Variants in STK32B observed in about 807,000 individuals in gnomAD.
The protein encoded by STK32B is serine/threonine-protein kinase 32B.
STK32B carries 43 observed loss-of-function variants against 52.6 expected under a neutral mutation model. That is an observed-to-expected ratio of 0.82 (90% CI 0.64 to 1.05). The LOEUF (loss-of-function observed/expected upper bound fraction) is 1.05, where lower values mean the gene tolerates loss of function less well. STK32B is among the 50% of genes least tolerant of loss of function. The pLI, the probability that STK32B is intolerant of heterozygous loss-of-function variation, is 0.00. For missense variants in STK32B, 621 were observed against 534.6 expected, an observed-to-expected ratio of 1.16 and a Z score of -1.59; for synonymous variants, 238 against 204.3, an observed-to-expected ratio of 1.17 and a Z score of -1.41.
intron 3 of STK32B, among the ~76,000 whole-genome samples, chr4:5,242,340 G>T (rs867099390): frequency 3.0e-4 from 45 of 152,272 alleles, no homozygotes; most frequent in African/African-American, 5.1e-4. Flanking sequence ...ATGATGAGCA[G>T]TTTTTCATGT....
At chr4:5,482,360 G>C (rs547544294) in intron 11 of STK32B, among the ~76,000 whole-genome samples, 1 of 152,282 alleles carries the variant, frequency 6.6e-6, no homozygotes, top group South Asian at 2.1e-4. Flanking sequence ...GTGAATGGGA[G>C]TTCACTCATG....
At chr4:5,163,558 G>GTGTGTA (rs1434511308) in intron 2 of STK32B, among the ~76,000 whole-genome samples, 3 of 150,134 alleles carry the variant, frequency 2.0e-5, no homozygotes, top group Non-Finnish European at 3.0e-5. Context: ...GTGTGTGTGT[G>GTGTGTA]TGTGTGTGTG....
At chr4:5,195,109 G>GT (rs1351780285) in intron 3 of STK32B, among the ~76,000 whole-genome samples, 12 of 152,058 alleles carry the variant, frequency 7.9e-5, no homozygotes, top group Non-Finnish European at 8.8e-5. Flanking sequence ...GTCTCATTCT[G>GT]TTTTTTCAGG....
At chr4:5,159,793 A>G (rs1560186704) in intron 2 of STK32B, among the ~76,000 whole-genome samples, 1 of 145,792 alleles carries the variant, frequency 6.9e-6, no homozygotes, top group East Asian at 2.0e-4. Flanking sequence ...TTATGAATAT[A>G]TATATGAATA....
At chr4:5,207,903 CTT>C (rs1420363005) in intron 3 of STK32B, among the ~76,000 whole-genome samples, 1 of 152,026 alleles carries the variant, frequency 6.6e-6, no homozygotes, top group South Asian at 2.1e-4. Flanking sequence ...CTTTTCCTCT[CTT>C]TTTAACATCC....
At chr4:5,269,842 A>G (rs1047508485) in intron 3 of STK32B, among the ~76,000 whole-genome samples, 4 of 152,210 alleles carry the variant, frequency 2.6e-5, no homozygotes, top group Admixed American at 6.5e-5. Flanking sequence ...GTAGACTGAT[A>G]TTACTCAGGA....
chr4:5,375,518 C>T (rs1374372204), intron 4 of STK32B, among the ~76,000 whole-genome samples: 1 of 151,992 alleles, frequency 6.6e-6, no homozygotes, highest in Non-Finnish European at 1.5e-5. Context: ...AATTTTTTTT[C>T]AGTTCACATA....
intron 6 of STK32B, among the ~76,000 whole-genome samples, chr4:5,440,062 G>C (rs891556826): frequency 2.0e-5 from 3 of 151,944 alleles, no homozygotes; most frequent in African/African-American, 2.4e-5. Context: ...TGTTCTTTTG[G>C]CTTAGGATTG....
In STK32B at chr4:5,057,757, A is replaced by C. The variant is rs139854443; in HGVS notation, c.52+5842A>C. On this transcript the variant is annotated intron_variant, in intron 1 of 11. Transcript: ENST00000282908. ...TTTCTGGGAGAACTGGAAAAAACAGATATTCTTAGCATTACACCATTATCT... is the reference window on the plus strand; with the variant it reads ...TTTCTGGGAGAACTGGAAAAAACAGCTATTCTTAGCATTACACCATTATCT... Among the ~76,000 whole-genome samples, 6 of 152,322 alleles carry C rather than the reference A, an allele frequency of 3.9e-5. 1 individual carries two copies. The highest frequency in any genetic ancestry group is 1.4e-4 in the African/African-American group (6 of 41,572).
intron 4 of STK32B, among the ~76,000 whole-genome samples, chr4:5,372,073 C>T (rs1735281745): frequency 6.6e-6 from 1 of 152,238 alleles, no homozygotes; most frequent in Non-Finnish European, 1.5e-5. Context: ...GCAGATACAG[C>T]AGATGGCACA....
At chr4:5,176,015 C>G (rs1211535440) in intron 3 of STK32B, among the ~76,000 whole-genome samples, 1 of 152,240 alleles carries the variant, frequency 6.6e-6, no homozygotes, top group African/African-American at 2.4e-5. Context: ...CGCCCCTCCC[C>G]AAGCCTCGCT....
At chr4:5,482,116 GAGA>G (rs1250025180) in intron 11 of STK32B, among the ~76,000 whole-genome samples, 1 of 152,148 alleles carries the variant, frequency 6.6e-6, no homozygotes, top group Non-Finnish European at 1.5e-5. Context: ...TTCCAATTCT[GAGA>G]AGAAAGTCAT....
intron 3 of STK32B, among the ~76,000 whole-genome samples, chr4:5,231,823 A>G (rs1724292161): frequency 6.6e-6 from 1 of 152,166 alleles, no homozygotes; most frequent in Non-Finnish European, 1.5e-5. Flanking sequence ...GAAAGAGATC[A>G]ATAGCCCAGG....
At chr4:5,134,453 A>G (rs550527915) in intron 1 of STK32B, among the ~76,000 whole-genome samples, 2 of 152,148 alleles carry the variant, frequency 1.3e-5, no homozygotes, top group Non-Finnish European at 2.9e-5. Context: ...TGATGCAGAA[A>G]GAAGGCCCTC....
At chr4:5,237,893 C>G (rs1474837847) in intron 3 of STK32B, among the ~76,000 whole-genome samples, 1 of 152,108 alleles carries the variant, frequency 6.6e-6, no homozygotes, top group East Asian at 1.9e-4. Flanking sequence ...ATTTTTCAAG[C>G]TTTATTTGGA....
At chr4:5,145,217 C>G (rs1404745748) in intron 2 of STK32B, among the ~76,000 whole-genome samples, 1 of 152,158 alleles carries the variant, frequency 6.6e-6, no homozygotes, top group Non-Finnish European at 1.5e-5. Context: ...AACATTCTAC[C>G]AAACTTATTT....
chr4:5,290,230 A>G (rs1728806357), intron 3 of STK32B, among the ~76,000 whole-genome samples: 2 of 152,152 alleles, frequency 1.3e-5, no homozygotes, highest in Non-Finnish European at 1.5e-5. Context: ...ACTTTCTTCA[A>G]TAATAAATCG....
At chr4:5,498,743 A>C (rs1239448388) in intron 11 of STK32B, among the ~76,000 whole-genome samples, 2 of 152,252 alleles carry the variant, frequency 1.3e-5, no homozygotes, top group African/African-American at 2.4e-5. Context: ...AACTCACCCA[A>C]GTGCACCTGA....
chr4:5,235,061 T>A (rs1010916165), intron 3 of STK32B, among the ~76,000 whole-genome samples: 1 of 152,216 alleles, frequency 6.6e-6, no homozygotes, highest in Non-Finnish European at 1.5e-5. Context: ...ACATTTCGTT[T>A]CTCAAGCAGT....
Sources: gnomAD v4.1 joint callset for allele counts (sites outside exome capture counted in the v4.1 genomes callset) on GRCh38, gnomAD v4.1.1 for gene constraint, MANE v1.5 for transcripts, NCBI Gene and HGNC (gene_info 2026-07-23, HGNC 2026-07-21) for gene names.